RPS6KC1: variants seen among roughly 807,000 people sequenced by gnomAD.
RPS6KC1 encodes ribosomal protein S6 kinase C1.
A neutral mutation model predicts 103.8 loss-of-function variants in RPS6KC1; 54 were observed. That is an observed-to-expected ratio of 0.52 (90% confidence interval 0.42 to 0.65). The LOEUF (loss-of-function observed/expected upper bound fraction) is 0.65. Ranked by LOEUF, RPS6KC1 falls within the 30% of genes least tolerant of loss-of-function variation. The pLI is 0.00. For missense variants in RPS6KC1, 1,151 were observed against 1,253.8 expected (o/e 0.92, Z 1.24); for synonymous variants, 439 against 438.7 (o/e 1.00, Z -0.01).
At chr1:213,629,585 T>A in the RPS6KC1 span, among the ~76,000 whole-genome samples, 1 of 152,106 alleles carries the variant, frequency 6.6e-6, no homozygotes, top group Admixed American at 6.5e-5. Flanking sequence ...CCATTTACAT[T>A]TAAGGTTAAT....
the RPS6KC1 span, among the ~76,000 whole-genome samples, chr1:213,556,443 C>G: frequency 6.6e-6 from 1 of 152,146 alleles, no homozygotes; most frequent in Non-Finnish European, 1.5e-5. Context: ...CTATCACATA[C>G]AGTTTGAGAA....
the RPS6KC1 span, among the ~76,000 whole-genome samples, chr1:213,570,677 T>C: frequency 6.6e-6 from 1 of 152,194 alleles, no homozygotes; most frequent in Non-Finnish European, 1.5e-5. Flanking sequence ...AGGGCAGTTG[T>C]CCACTTTTTA....
chr1:213,804,254 G>A, the RPS6KC1 span, among the ~76,000 whole-genome samples: 8 of 148,484 alleles, frequency 5.4e-5, 1 homozygote, highest in Middle Eastern at 3.6e-3. Flanking sequence ...ACACAATCAG[G>A]AAACGTGGTT....
the RPS6KC1 span, among the ~76,000 whole-genome samples, chr1:213,289,876 T>C: frequency 6.6e-6 from 1 of 152,014 alleles, no homozygotes; most frequent in African/African-American, 2.4e-5. Flanking sequence ...CCATCTCTAC[T>C]AAAAATACAA....
intron 8 of RPS6KC1, among the ~76,000 whole-genome samples, chr1:213,215,354 G>A (rs539268674): frequency 2.0e-5 from 3 of 152,308 alleles, no homozygotes; most frequent in Admixed American, 6.5e-5. Context: ...AACGAACAAA[G>A]CCTCCAAGAA....
the RPS6KC1 span, among the ~76,000 whole-genome samples, chr1:213,322,597 C>A: frequency 6.6e-6 from 1 of 152,156 alleles, no homozygotes; most frequent in Non-Finnish European, 1.5e-5. Context: ...TTCTTGAGGT[C>A]AAAGTCGTAA....
the RPS6KC1 span, among the ~76,000 whole-genome samples, chr1:213,304,074 C>T: frequency 6.7e-6 from 1 of 150,026 alleles, no homozygotes; most frequent in Middle Eastern, 3.2e-3. Flanking sequence ...GGCGTAGTGG[C>T]GGGCGCCTGT....
At chr1:213,471,941 A>C in the RPS6KC1 span, among the ~76,000 whole-genome samples, 1 of 152,166 alleles carries the variant, frequency 6.6e-6, no homozygotes, top group East Asian at 1.9e-4. Flanking sequence ...GAGACCCTGA[A>C]CTGGCTCTGC....
At chr1:213,504,970 G>A in the RPS6KC1 span, among the ~76,000 whole-genome samples, 1 of 152,112 alleles carries the variant, frequency 6.6e-6, no homozygotes, top group African/African-American at 2.4e-5. Context: ...ATGAATCAGA[G>A]TTAGGGCCAA....
the RPS6KC1 span, among the ~76,000 whole-genome samples, chr1:213,442,001 G>A: frequency 1.3e-5 from 2 of 152,148 alleles, no homozygotes; most frequent in Non-Finnish European, 2.9e-5. Context: ...TTTAAAAAGA[G>A]GCTAACTTCC....
At chr1:213,160,117 C>T (rs1238959142) in intron 6 of RPS6KC1, among the ~76,000 whole-genome samples, 2 of 152,108 alleles carry the variant, frequency 1.3e-5, no homozygotes, top group Non-Finnish European at 2.9e-5. Context: ...TTTGTTCTCT[C>T]TTATGAAGTA....
chr1:213,318,594 A>G, the RPS6KC1 span, among the ~76,000 whole-genome samples: 2 of 152,236 alleles, frequency 1.3e-5, no homozygotes, highest in Non-Finnish European at 2.9e-5. Context: ...ACTGGGAAGA[A>G]AAAGAGATTT....
At chr1:213,702,840 A>G in the RPS6KC1 span, among the ~76,000 whole-genome samples, 1 of 95,454 alleles carries the variant, frequency 1.0e-5, no homozygotes, top group East Asian at 2.9e-4. Flanking sequence ...GCAACAGATC[A>G]TTGAGGTTTT....
intron 1 of RPS6KC1, 104 bp from the exon 2 acceptor site, chr1:213,070,902 G>A (rs1301094142): frequency 7.2e-6 from 5 of 697,276 alleles, no homozygotes; most frequent in African/African-American, 1.9e-5. Flanking sequence ...ATTTTTTTAA[G>A]CAAATTGAAT....
chr1:213,259,146 G>A lies in RPS6KC1; in HGVS notation c.2912-2412G>A, dbSNP rs149240099. 6.3e-4 allele frequency among the ~76,000 whole-genome samples: 96 copies of A among 152,316 alleles called. 2 individuals carry two copies. The highest frequency in any genetic ancestry group is 1.5e-3 in the African/African-American group (64 of 41,570). On this transcript the variant is annotated intron_variant, in intron 12 of 14. Transcript: ENST00000366960. ...TGAACAGAAGGGAGGATTGGTTTAC[G>A]TAGTTTTTCTTCCCTGCTCCAGAGT...
chr1:213,203,037 T>C (rs1573240958), intron 8 of RPS6KC1, among the ~76,000 whole-genome samples: 3 of 152,278 alleles, frequency 2.0e-5, no homozygotes, highest in Admixed American at 2.0e-4. Context: ...TTGGAGATTA[T>C]GGGTCAAACA....
chr1:213,105,216 GTTT>G (rs79795539), intron 4 of RPS6KC1, among the ~76,000 whole-genome samples: 29 of 131,188 alleles, frequency 2.2e-4, no homozygotes, highest in African/African-American at 3.8e-4. Context: ...TTCATTTTAA[GTTT>G]TTTTTTTTTT....
At chr1:213,685,608 T>G in the RPS6KC1 span, among the ~76,000 whole-genome samples, 1 of 143,830 alleles carries the variant, frequency 7.0e-6, no homozygotes, top group African/African-American at 2.6e-5. Context: ...GTAGCCTGGC[T>G]GAAAAAGTGA....
chr1:213,185,748 T>C (rs1227285293), intron 8 of RPS6KC1, among the ~76,000 whole-genome samples: 1 of 152,070 alleles, frequency 6.6e-6, no homozygotes, highest in Admixed American at 6.5e-5. Context: ...CTGCTTATTT[T>C]CTGGTTATTT....
Sources: gnomAD v4.1 joint callset for allele counts (sites outside exome capture counted in the v4.1 genomes callset) on GRCh38, gnomAD v4.1.1 for gene constraint, MANE v1.5 for transcripts, NCBI Gene and HGNC (gene_info 2026-07-23, HGNC 2026-07-21) for gene names.